SLIT3: variants seen among roughly 807,000 people sequenced by gnomAD.
SLIT3 encodes the protein slit homolog 3 protein.
Under a neutral mutation model 184.0 loss-of-function variants are expected in SLIT3, and 68 were observed. The ratio of observed to expected loss-of-function variants is 0.37; its 90% CI spans 0.30 to 0.45. The LOEUF is 0.45. SLIT3 is among the 20% of genes least tolerant of loss of function. The pLI is 1.00. For synonymous variants in SLIT3, 831 were observed against 828.6 expected, an observed-to-expected ratio of 1.00 and a Z score of -0.05; for missense variants, 1,707 against 2,026.0, an observed-to-expected ratio of 0.84 and a Z score of 3.02.
At chr5:169,137,329 C>CAGAGAGAGAGAGAGAGAGAGAGAG in intron 4 of SLIT3, among the ~76,000 whole-genome samples, 1 of 98,010 alleles carries the variant, frequency 1.0e-5, no homozygotes, top group South Asian at 3.6e-4. Flanking sequence ...CACACACACA[C>CAGAGAGAGAGAGAGAGAGAGAGAG]ACACACAGAG....
chr5:168,977,006 A>T (rs1428292642), intron 4 of SLIT3, among the ~76,000 whole-genome samples: 1 of 150,804 alleles, frequency 6.6e-6, no homozygotes, highest in Non-Finnish European at 1.5e-5. Context: ...TGAATTATTT[A>T]TCTCAGCTGT....
chr5:168,967,816 A>C (rs1172426723), intron 4 of SLIT3, among the ~76,000 whole-genome samples: 1 of 152,132 alleles, frequency 6.6e-6, no homozygotes, highest in East Asian at 1.9e-4. Flanking sequence ...TGGTGTGGTC[A>C]GCCTTCATCT....
intron 4 of SLIT3, among the ~76,000 whole-genome samples, chr5:169,122,519 G>A (rs73315617): frequency 0.068 from 10,297 of 152,172 alleles, 911 homozygotes; most frequent in East Asian, 0.38. Flanking sequence ...TGTTTACCAG[G>A]TGTTTCTGGC....
intron 4 of SLIT3, among the ~76,000 whole-genome samples, chr5:169,063,568 A>G (rs1341510007): frequency 1.3e-5 from 2 of 152,158 alleles, no homozygotes; most frequent in African/African-American, 4.8e-5. Context: ...CTTGCTCCAC[A>G]ATCTATTCCA....
intron 4 of SLIT3, among the ~76,000 whole-genome samples, chr5:169,021,215 C>CAGCTTCCA (rs1021851589): frequency 1.3e-5 from 2 of 152,196 alleles, no homozygotes; most frequent in Admixed American, 1.3e-4. Flanking sequence ...GTTTCCAAAG[C>CAGCTTCCA]AGCTTCCAAG....
Position 169,265,735 on chromosome 5 carries a change from T to C in SLIT3, c.198-14276A>G, listed in dbSNP as rs189737351. On this transcript the variant is annotated intron_variant, in intron 1 of 35. Transcript: ENST00000519560. ...AAATGAGATGATACGTATAAAGTGATTCTAGCCCAGGGCTGGTCATGCAGT... is the reference window on the plus strand; with the variant it reads ...AAATGAGATGATACGTATAAAGTGACTCTAGCCCAGGGCTGGTCATGCAGT... Among the ~76,000 whole-genome samples, 567 of 152,304 alleles carry C rather than the reference T, an allele frequency of 3.7e-3. 1 individual carries two copies. The highest frequency in any genetic ancestry group is 6.2e-3 in the Non-Finnish European group (420 of 68,016).
intron 4 of SLIT3, among the ~76,000 whole-genome samples, chr5:169,107,428 T>C (rs910994417): frequency 6.6e-6 from 1 of 152,204 alleles, no homozygotes; most frequent in African/African-American, 2.4e-5. Flanking sequence ...TGGTCTTTCA[T>C]TGCAAGTAGA....
chr5:168,708,195 G>T, intron 25 of SLIT3, 95 bp from the exon 26 acceptor site: 1 of 1,557,494 alleles, frequency 6.4e-7, no homozygotes, highest in Middle Eastern at 1.8e-4. Context: ...CTCAGCCAGC[G>T]CCAGCCCCTT....
chr5:169,059,158 G>A (rs1385863112), intron 4 of SLIT3, among the ~76,000 whole-genome samples: 1 of 152,182 alleles, frequency 6.6e-6, no homozygotes, highest in Non-Finnish European at 1.5e-5. Context: ...TAGAGTCACT[G>A]TCAGAATCCT....
intron 20 of SLIT3, among the ~76,000 whole-genome samples, chr5:168,747,431 G>T (rs1346691375): frequency 6.6e-6 from 1 of 152,152 alleles, no homozygotes; most frequent in Non-Finnish European, 1.5e-5. Context: ...CTTCATACCT[G>T]AGAAACCTGG....
intron 4 of SLIT3, among the ~76,000 whole-genome samples, chr5:169,172,686 A>G (rs1263577181): frequency 2.6e-5 from 4 of 152,248 alleles, no homozygotes; most frequent in African/African-American, 9.6e-5. Flanking sequence ...AATGAATTCC[A>G]TAAAATTGAC....
At chr5:168,718,731 T>TTC (rs150162755) in intron 23 of SLIT3, among the ~76,000 whole-genome samples, 33 of 46,372 alleles carry the variant, frequency 7.1e-4, no homozygotes, top group South Asian at 1.6e-3. Context: ...CACACACACA[T>TTC]TCTCTCTCTC....
intron 4 of SLIT3, among the ~76,000 whole-genome samples, chr5:168,998,850 C>G (rs542847499): frequency 6.6e-6 from 1 of 152,036 alleles, no homozygotes; most frequent in East Asian, 1.9e-4. Flanking sequence ...GGGCCCTACC[C>G]CAGTCCCACT....
In SLIT3 at chr5:168,966,610, C is replaced by T. The variant is rs575370870; in HGVS notation, c.414-83274G>A. Among the ~76,000 whole-genome samples the T allele has an allele frequency of 2.6e-3, 392 of 152,292 alleles. 3 individuals are homozygous for T. Among genetic ancestry groups the T allele is most frequent in the African/African-American group, 9.0e-3 (373 of 41,560 alleles). ...GTGAGAGAATCTCCTAGTCACTGCC[C>T]TCACACATATCTTAAATGCATCCTC... On this transcript the variant is annotated intron_variant, in intron 4 of 35. Coordinates refer to ENST00000519560, the MANE Select transcript of SLIT3 (RefSeq NM_003062.4).
chr5:169,097,526 T>A (rs1227615086), intron 4 of SLIT3, among the ~76,000 whole-genome samples: 3 of 152,208 alleles, frequency 2.0e-5, no homozygotes, highest in Non-Finnish European at 4.4e-5. Context: ...TTTTCAAAAT[T>A]GTATTTATCC....
chr5:168,985,907 GC>G lies in SLIT3; in HGVS notation c.414-102572del, dbSNP rs1322796790. 2.0e-5 allele frequency among the ~76,000 whole-genome samples: 3 copies of G among 152,206 alleles called. No individual in the cohort carries two copies. In the East Asian group the frequency reaches 5.8e-4, roughly 29 times the overall value. On this transcript the variant is annotated intron_variant, in intron 4 of 35. Coordinates refer to ENST00000519560, the MANE Select transcript of SLIT3 (RefSeq NM_003062.4). ...GTATTTGAACCCCTGGTTAAATCAT[GC>G]CTGGGAGTGCCGCACTCCCAAGCTT...
At chr5:169,153,403 C>G (rs1174634897) in intron 4 of SLIT3, among the ~76,000 whole-genome samples, 5 of 152,244 alleles carry the variant, frequency 3.3e-5, no homozygotes, top group Non-Finnish European at 7.3e-5. Flanking sequence ...CTTTCAGGTG[C>G]TTTTGCAGAA....
chr5:168,918,886 C>A (rs939544349), intron 4 of SLIT3, among the ~76,000 whole-genome samples: 25 of 152,198 alleles, frequency 1.6e-4, no homozygotes, highest in Non-Finnish European at 5.9e-5. Flanking sequence ...AAAATCCTCA[C>A]CATATATAAC....
chr5:168,772,714 T>G, intron 14 of SLIT3, 67 bp downstream of exon 14: 1 of 1,561,794 alleles, frequency 6.4e-7, no homozygotes, highest in Non-Finnish European at 8.8e-7. Flanking sequence ...CAGATTGGAT[T>G]ATTGGCCTCT....
Sources: gnomAD v4.1 joint callset for allele counts (sites outside exome capture counted in the v4.1 genomes callset) on GRCh38, gnomAD v4.1.1 for gene constraint, MANE v1.5 for transcripts, NCBI Gene and HGNC (gene_info 2026-07-23, HGNC 2026-07-21) for gene names.